The following GRIK2 variants were observed in gnomAD, a reference collection of about 807,000 sequenced individuals.
GRIK2 encodes the protein glutamate ionotropic receptor kainate type subunit 2, also known as glutamate receptor ionotropic, kainate 2.
A neutral mutation model predicts 100.3 loss-of-function variants in GRIK2; 32 were observed. That is an observed-to-expected ratio of 0.32 (90% CI 0.24 to 0.43). The LOEUF is 0.43. Among genes scored for constraint, GRIK2 ranks in the 20% least tolerant of loss-of-function variants. The pLI is 1.00. For synonymous variants in GRIK2, 417 were observed against 389.4 expected (o/e 1.07, Z -0.83); for missense variants, 843 against 1,114.9 (o/e 0.76, Z 3.47).
intron 9 of GRIK2, among the ~76,000 whole-genome samples, chr6:101,804,797 G>A (rs574891053): frequency 6.6e-6 from 1 of 152,008 alleles, no homozygotes; most frequent in Admixed American, 6.6e-5. Context: ...TTGAAAATTT[G>A]TACATGAACT....
At chr6:101,804,381 A>G (rs1360402445) in intron 9 of GRIK2, among the ~76,000 whole-genome samples, 1 of 151,992 alleles carries the variant, frequency 6.6e-6, no homozygotes, top group African/African-American at 2.4e-5. Flanking sequence ...TTAAAGAAAG[A>G]ATAGCCCTGA....
At chr6:101,835,047 A>AT (rs141422948) in intron 10 of GRIK2, among the ~76,000 whole-genome samples, 16,523 of 152,112 alleles carry the variant, frequency 0.11, 1,197 homozygotes, top group Admixed American at 0.2. Context: ...CAACTTCCAC[A>AT]TTTTTTGTCC....
intron 2 of GRIK2, among the ~76,000 whole-genome samples, chr6:101,424,027 T>A (rs1157921161): frequency 1.3e-5 from 2 of 152,152 alleles, no homozygotes; most frequent in African/African-American, 4.8e-5. Flanking sequence ...CTCATGAGGA[T>A]TTGATTTCTC....
intron 7 of GRIK2, among the ~76,000 whole-genome samples, chr6:101,690,771 C>T (rs950715297): frequency 2.2e-4 from 34 of 152,154 alleles, no homozygotes; most frequent in Non-Finnish European, 4.4e-5. Flanking sequence ...TCACCTATTC[C>T]AGCATAGGAT....
At chr6:101,881,711 G>A (rs1786257954) in intron 11 of GRIK2, among the ~76,000 whole-genome samples, 1 of 151,446 alleles carries the variant, frequency 6.6e-6, no homozygotes, top group Admixed American at 6.6e-5. Flanking sequence ...AAATTGGCCA[G>A]ATGTGGTGGT....
chr6:101,753,016 T>C (rs1290812219), intron 7 of GRIK2, among the ~76,000 whole-genome samples: 2 of 152,068 alleles, frequency 1.3e-5, no homozygotes, highest in Non-Finnish European at 2.9e-5. Flanking sequence ...TAAGACGGGC[T>C]GGGCGCGGTG....
chr6:101,837,609 T>G (rs757492891), intron 10 of GRIK2, among the ~76,000 whole-genome samples: 13 of 152,146 alleles, frequency 8.5e-5, no homozygotes, highest in Non-Finnish European at 1.9e-4. Context: ...TGATGCACAT[T>G]TTTATTTAGT....
intron 2 of GRIK2, among the ~76,000 whole-genome samples, chr6:101,541,117 A>G (rs923049670): frequency 1.3e-5 from 2 of 152,008 alleles, no homozygotes; most frequent in African/African-American, 4.8e-5. Context: ...TTCTATTGCT[A>G]CATGTCTGTG....
intron 12 of GRIK2, among the ~76,000 whole-genome samples, chr6:101,902,042 ATATT>A (rs1787882077): frequency 6.6e-6 from 1 of 152,046 alleles, no homozygotes; most frequent in Non-Finnish European, 1.5e-5. Flanking sequence ...AATTTAAATG[ATATT>A]TATTGTTCAG....
intron 2 of GRIK2, among the ~76,000 whole-genome samples, chr6:101,415,994 G>GTCAATCAA (rs34905572): frequency 6.6e-6 from 1 of 152,094 alleles, no homozygotes; most frequent in African/African-American, 2.4e-5. Context: ...AGCATAACCA[G>GTCAATCAA]TCAATCAATC....
At chr6:101,847,427 G>A (rs542667352) in intron 10 of GRIK2, among the ~76,000 whole-genome samples, 7 of 151,844 alleles carry the variant, frequency 4.6e-5, no homozygotes, top group Non-Finnish European at 8.8e-5. Context: ...TTGTTTACTG[G>A]TTATTGTAGT....
At chr6:101,925,195 T>G (rs1789807343) in intron 13 of GRIK2, among the ~76,000 whole-genome samples, 1 of 152,184 alleles carries the variant, frequency 6.6e-6, no homozygotes, top group South Asian at 2.1e-4. Flanking sequence ...GTTAAAATAT[T>G]AAAACATGAA....
Position 101,928,545 on chromosome 6 carries a change from C to T in GRIK2, c.1998C>T (p.Ser666=), listed in dbSNP as rs922405997. Residue 666 remains serine (S), a synonymous_variant, in exon 14 of 17, where the codon TCC becomes TCT. Coordinates refer to ENST00000369134, the MANE Select transcript of GRIK2 (RefSeq NM_021956.5). The part of the protein sequence containing the change: ...AAFLTVERME[S]PIDSADDLAK... ...TTCTGACAGTGGAACGCATGGAATC[C>T]CCTATTGACTCTGCTGATGATTTAG... 1.2e-6 allele frequency: 2 copies of T among 1,603,254 alleles called. No individual in the cohort carries two copies. Among genetic ancestry groups the T allele is most frequent in the Non-Finnish European group, 1.7e-6 (2 of 1,170,324 alleles).
chr6:101,876,477 A>G (rs1352743736), intron 11 of GRIK2, among the ~76,000 whole-genome samples: 8 of 104,628 alleles, frequency 7.6e-5, no homozygotes, highest in Non-Finnish European at 1.4e-4. Context: ...CTTAGAAAAC[A>G]AAAACAAACA....
chr6:101,808,813 G>T (rs1781155326), intron 9 of GRIK2, among the ~76,000 whole-genome samples: 1 of 151,730 alleles, frequency 6.6e-6, no homozygotes. Flanking sequence ...ATAGTGCTGA[G>T]GGACCTTGAA....
intron 2 of GRIK2, among the ~76,000 whole-genome samples, chr6:101,619,305 T>A (rs548681351): frequency 6.6e-6 from 1 of 151,880 alleles, no homozygotes; most frequent in South Asian, 2.1e-4. Context: ...CTGGCTTGGA[T>A]TAATAAAATA....
chr6:101,742,957 G>A (rs769592429), intron 7 of GRIK2, among the ~76,000 whole-genome samples: 9 of 152,108 alleles, frequency 5.9e-5, no homozygotes, highest in Non-Finnish European at 1.0e-4. Flanking sequence ...ATGGTTGACA[G>A]GGGGAGATTA....
chr6:101,732,377 A>G (rs913358814), intron 7 of GRIK2, among the ~76,000 whole-genome samples: 3 of 152,000 alleles, frequency 2.0e-5, no homozygotes, highest in Non-Finnish European at 4.4e-5. Flanking sequence ...CTTTATTGAG[A>G]TTTTTACATT....
intron 2 of GRIK2, among the ~76,000 whole-genome samples, chr6:101,543,997 G>A (rs569908634): frequency 9.2e-5 from 14 of 152,138 alleles, no homozygotes; most frequent in African/African-American, 3.4e-4. Flanking sequence ...TCAGTGGGAC[G>A]CTGGTTGAGC....
Sources: allele counts gnomAD v4.1 joint callset (sites outside exome capture counted in the v4.1 genomes callset), GRCh38; gene constraint gnomAD v4.1.1; transcripts MANE v1.5; gene names NCBI Gene and HGNC (gene_info 2026-07-23, HGNC 2026-07-21).